Variants in CELF2 observed in about 807,000 individuals in gnomAD.
CELF2 encodes the protein CUGBP Elav-like family member 2.
A neutral mutation model predicts 62.6 loss-of-function variants in CELF2; 8 were observed. That is an observed-to-expected ratio of 0.13 (90% CI 0.07 to 0.23). The LOEUF is 0.23. CELF2 is among the 10% of genes least tolerant of loss of function. CELF2 has a pLI of 1.00. For missense variants in CELF2, 333 were observed against 671.0 expected, an observed-to-expected ratio of 0.50 and a Z score of 5.56; for synonymous variants, 258 against 250.0, an observed-to-expected ratio of 1.03 and a Z score of -0.30.
At chr10:10,549,333 G>A in the CELF2 span, among the ~76,000 whole-genome samples, 1 of 152,192 alleles carries the variant, frequency 6.6e-6, no homozygotes, top group Non-Finnish European at 1.5e-5. Flanking sequence ...ACCCAGGCTG[G>A]AGTGCAGTGG....
Position 11,323,078 on chromosome 10 carries a change from T to G in CELF2, c.1294+1692T>G, listed in dbSNP as rs180797299. On this transcript the variant is annotated intron_variant, in intron 11 of 12. Coordinates refer to ENST00000633077, the MANE Select transcript of CELF2 (RefSeq NM_001326342.2). ...AAGTCTGGGCCCTGAAACAACATGTTTCGAAACAACATGTTTCTGAGGTTT... is the reference window on the plus strand; with the variant it reads ...AAGTCTGGGCCCTGAAACAACATGTGTCGAAACAACATGTTTCTGAGGTTT... Among the ~76,000 whole-genome samples the G allele has an allele frequency of 5.3e-5, 8 of 151,774 alleles. No homozygotes were observed. The East Asian group carries it at 1.5e-3, about 29-fold the overall frequency.
the CELF2 span, among the ~76,000 whole-genome samples, chr10:10,563,147 T>C: frequency 6.6e-6 from 1 of 152,040 alleles, no homozygotes; most frequent in Non-Finnish European, 1.5e-5. Flanking sequence ...CTTGAAGCCA[T>C]CTGGGGAGAA....
intron 1 of CELF2, among the ~76,000 whole-genome samples, chr10:10,839,011 T>C (rs997525011): frequency 6.6e-6 from 1 of 151,706 alleles, no homozygotes; most frequent in Non-Finnish European, 1.5e-5. Context: ...CCAGACGTGG[T>C]GGCACACACC....
At chr10:10,858,530 A>T (rs986490089) in intron 1 of CELF2, among the ~76,000 whole-genome samples, 2 of 152,130 alleles carry the variant, frequency 1.3e-5, no homozygotes, top group African/African-American at 4.8e-5. Context: ...CCCTTTCCAC[A>T]TCCCATCACA....
chr10:11,232,145 C>G (rs1159564970), intron 3 of CELF2, among the ~76,000 whole-genome samples: 2 of 152,164 alleles, frequency 1.3e-5, no homozygotes, highest in East Asian at 1.9e-4. Context: ...CTCCCCTCTC[C>G]CCCCACCCCA....
At chr10:10,472,690 G>A in the CELF2 span, among the ~76,000 whole-genome samples, 215 of 151,862 alleles carry the variant, frequency 1.4e-3, 1 homozygote, top group East Asian at 0.036. Flanking sequence ...TTCTGTAATC[G>A]TCTGAGAATT....
chr10:11,002,970 A>G (rs540189186), upstream of CELF2, among the ~76,000 whole-genome samples: 9 of 152,328 alleles, frequency 5.9e-5, no homozygotes, highest in South Asian at 1.9e-3. This position sits in a 1 kb window ranked among gnomAD's most constrained non-coding sequence, Gnocchi z 4.4. Flanking sequence ...TAGTGGGTGC[A>G]TTAAGAAGTG....
At chr10:11,176,018 G>T (rs139347855) in intron 2 of CELF2, among the ~76,000 whole-genome samples, 1 of 152,148 alleles carries the variant, frequency 6.6e-6, no homozygotes, top group Admixed American at 6.5e-5. Context: ...TCTTGTGCGC[G>T]TGTGTTTTCT....
the CELF2 span, among the ~76,000 whole-genome samples, chr10:10,530,659 C>T: frequency 5.9e-5 from 9 of 152,254 alleles, no homozygotes; most frequent in South Asian, 4.1e-4. Context: ...TCCTCTTTTG[C>T]GGAAATTATT....
rs150777567 is a variant in CELF2 at position 10,825,935 on chromosome 10, C to A, written c.53+27118C>A. ...TCAGACATAGATCTTTTAAGAATAA[C>A]AATAATATTATCTATATCCAATGAG... On this transcript the variant is annotated intron_variant, in intron 1 of 13. Coordinates refer to the CELF2 transcript ENST00000636488. Among the ~76,000 whole-genome samples, 20 of 152,240 alleles carry A rather than the reference C, an allele frequency of 1.3e-4. No homozygotes were observed. The East Asian group carries it at 3.9e-3, about 29-fold the overall frequency.
the CELF2 span, among the ~76,000 whole-genome samples, chr10:10,481,159 G>A: frequency 0.57 from 86,287 of 152,008 alleles, 24,607 homozygotes; most frequent in Admixed American, 0.65. Flanking sequence ...CTAAATAATT[G>A]TATCCTTATA....
chr10:11,073,849 A>ATTCACAAT (rs1410568098), intron 1 of CELF2, among the ~76,000 whole-genome samples: 1 of 152,224 alleles, frequency 6.6e-6, no homozygotes, highest in Non-Finnish European at 1.5e-5. Flanking sequence ...TGAGGGTTTA[A>ATTCACAAT]TTCACAATTT....
the CELF2 span, among the ~76,000 whole-genome samples, chr10:10,781,483 T>A: frequency 1.3e-5 from 2 of 152,168 alleles, no homozygotes; most frequent in Non-Finnish European, 2.9e-5. Context: ...CAAAGGCACG[T>A]CTTACACGGA....
At chr10:11,240,020 A>G (rs1299489793) in intron 3 of CELF2, among the ~76,000 whole-genome samples, 1 of 152,188 alleles carries the variant, frequency 6.6e-6, no homozygotes, top group Non-Finnish European at 1.5e-5. Context: ...CCATTGCATT[A>G]CAGCCTGGGC....
At chr10:11,261,169 T>G (rs985458821) in intron 5 of CELF2, among the ~76,000 whole-genome samples, 6 of 152,240 alleles carry the variant, frequency 3.9e-5, no homozygotes, top group African/African-American at 1.4e-4. Context: ...ACTTTTCTTT[T>G]TCTGCTTTTG....
At chr10:10,480,472 G>A in the CELF2 span, among the ~76,000 whole-genome samples, 43 of 152,264 alleles carry the variant, frequency 2.8e-4, no homozygotes, top group African/African-American at 8.9e-4. Flanking sequence ...GAGAAACATA[G>A]CAAACAATCT....
At chr10:11,289,181 G>GTT (rs201446310) in intron 9 of CELF2, among the ~76,000 whole-genome samples, 2 of 150,820 alleles carry the variant, frequency 1.3e-5, no homozygotes, top group African/African-American at 4.9e-5. Flanking sequence ...GTTTTGTTTT[G>GTT]TTTTTTTTTA....
chr10:11,173,107 T>G (rs2069519733), intron 2 of CELF2, among the ~76,000 whole-genome samples: 4 of 152,206 alleles, frequency 2.6e-5, no homozygotes, highest in Admixed American at 2.0e-4. Context: ...CTTGCCTTTT[T>G]ATTTGCAGCC....
At chr10:11,140,449 G>C (rs1564907643) in intron 1 of CELF2, among the ~76,000 whole-genome samples, 2 of 151,898 alleles carry the variant, frequency 1.3e-5, no homozygotes, top group African/African-American at 4.8e-5. Context: ...TATCTGGTAT[G>C]CTTCTCTGTG....
Sources: allele counts gnomAD v4.1 joint callset (sites outside exome capture counted in the v4.1 genomes callset), GRCh38; gene constraint gnomAD v4.1.1; non-coding constraint Gnocchi (gnomAD v3.1); transcripts MANE v1.5; gene names NCBI Gene and HGNC (gene_info 2026-07-23, HGNC 2026-07-21).